Variants in PPP2R5A observed in about 807,000 individuals in gnomAD.
PPP2R5A encodes the protein protein phosphatase 2 regulatory subunit B'alpha, also known as serine/threonine-protein phosphatase 2A 56 kDa regulatory subunit alpha isoform.
PPP2R5A carries 25 observed loss-of-function variants against 64.2 expected under a neutral mutation model. That is an observed-to-expected ratio of 0.39 (90% CI 0.28 to 0.54). The LOEUF is 0.54. PPP2R5A is among the 20% of genes least tolerant of loss of function. The probability of loss-of-function intolerance (pLI) is 0.67; values close to 1 mark genes in which losing one functional copy is unlikely to be tolerated. For synonymous variants in PPP2R5A, 198 were observed against 201.2 expected (o/e 0.98, Z 0.13); for missense variants, 425 against 576.3 (o/e 0.74, Z 2.69).
intron 1 of PPP2R5A, among the ~76,000 whole-genome samples, chr1:212,288,305 C>T (rs976873265): frequency 1.2e-4 from 19 of 152,236 alleles, no homozygotes; most frequent in African/African-American, 3.9e-4. Context: ...CGTGAGCCAC[C>T]GCACCTGGCC....
At chr1:212,298,872 C>CG (rs1658744648) in intron 1 of PPP2R5A, among the ~76,000 whole-genome samples, 2 of 33,770 alleles carry the variant, frequency 5.9e-5, no homozygotes, top group African/African-American at 3.0e-4. Flanking sequence ...GCTGGCCAGG[C>CG]GGGGGGCTGA....
chr1:212,342,461 C>T (rs1376523995), intron 4 of PPP2R5A, among the ~76,000 whole-genome samples, 181 bp downstream of exon 4: 3 of 152,112 alleles, frequency 2.0e-5, no homozygotes, highest in African/African-American at 7.2e-5. Flanking sequence ...GTATTTTTAT[C>T]AAGGGTGAGA....
intron 3 of PPP2R5A, among the ~76,000 whole-genome samples, chr1:212,337,470 A>C (rs1349800791): frequency 6.6e-6 from 1 of 152,162 alleles, no homozygotes; most frequent in African/African-American, 2.4e-5. Context: ...ATATAATTAG[A>C]AATTTAAACT....
In PPP2R5A at chr1:212,345,865, C is replaced by T. The variant is rs754669695; in HGVS notation, c.636C>T (p.His212=). 2 of 1,612,458 alleles carry T rather than the reference C, an allele frequency of 1.2e-6. No individual in the cohort carries two copies. The highest frequency in any genetic ancestry group is 3.3e-5 in the Admixed American group (2 of 59,762). ...GTGACTTCCTGAAGACTGTTCTGCA[C>T]CGAATTTATGGGAAATTTCTTGGAT... ...RERDFLKTVL[H]RIYGKFLGLR... The change falls in exon 5 of 13, where the codon CAC becomes CAT. Residue 212 remains histidine, a synonymous_variant. Transcript: ENST00000261461.
In PPP2R5A at chr1:212,300,364, C is replaced by G. The variant is rs192609017; in HGVS notation, c.181+14073C>G. Among the ~76,000 whole-genome samples, 492 of 152,280 alleles carry G rather than the reference C, an allele frequency of 3.2e-3. 5 individuals carry two copies. Among genetic ancestry groups the G allele is most frequent in the African/African-American group, 0.011 (471 of 41,552 alleles). ...TACTTGCTGTGAGTCATCAGCGAAT[C>G]TCAGTTTTCATGGTTTTCTAAAATA... On this transcript the variant is annotated intron_variant, in intron 1 of 12. Coordinates refer to ENST00000261461, the MANE Select transcript of PPP2R5A (RefSeq NM_006243.4).
chr1:212,321,989 C>G (rs1659306044), intron 1 of PPP2R5A, among the ~76,000 whole-genome samples: 1 of 151,912 alleles, frequency 6.6e-6, no homozygotes, highest in Non-Finnish European at 1.5e-5. Flanking sequence ...AGCTGGAGAC[C>G]AGCCCGGCCA....
intron 3 of PPP2R5A, among the ~76,000 whole-genome samples, chr1:212,339,738 T>C (rs1659654802): frequency 1.3e-5 from 2 of 152,152 alleles, no homozygotes; most frequent in Non-Finnish European, 2.9e-5. Flanking sequence ...ATTTGTAGCT[T>C]GATGTCATAA....
chr1:212,332,336 G>A (rs1412776205), intron 2 of PPP2R5A, among the ~76,000 whole-genome samples: 1 of 152,132 alleles, frequency 6.6e-6, no homozygotes, highest in African/African-American at 2.4e-5. Context: ...GGAATAGTTT[G>A]TCTCAAAATG....
At chr1:212,358,528 C>A (rs1442158098) in intron 11 of PPP2R5A, among the ~76,000 whole-genome samples, 158 bp from the exon 12 acceptor site, 1 of 152,144 alleles carries the variant, frequency 6.6e-6, no homozygotes, top group Non-Finnish European at 1.5e-5. Context: ...TGCTGTATGA[C>A]CTTGAGCATA....
intron 2 of PPP2R5A, 149 bp downstream of exon 2, chr1:212,329,480 A>G: frequency 1.5e-6 from 1 of 688,448 alleles, no homozygotes. Flanking sequence ...CATTCCAATG[A>G]TACCATCATT....
At chr1:212,340,196 T>C in intron 3 of PPP2R5A, among the ~76,000 whole-genome samples, 1 of 152,120 alleles carries the variant, frequency 6.6e-6, no homozygotes, top group South Asian at 2.1e-4. Context: ...ATAAAAGCCA[T>C]CCTCTTCCTG....
chr1:212,330,315 G>A (rs1230904457), intron 2 of PPP2R5A, among the ~76,000 whole-genome samples: 1 of 151,970 alleles, frequency 6.6e-6, no homozygotes, highest in East Asian at 1.9e-4. Context: ...AATCACTTGA[G>A]GCCAAGAGTT....
chr1:212,293,566 T>G lies in PPP2R5A; in HGVS notation c.181+7275T>G, dbSNP rs1658640465. On this transcript the variant is annotated intron_variant, in intron 1 of 12. Transcript: ENST00000261461. ...GTTGACTAATAAGCAGTTTCAAGCC[T>G]AGTTTTTATATCTGTCTTTTTGAAC... 3.3e-5 allele frequency among the ~76,000 whole-genome samples: 5 copies of G among 152,346 alleles called. No individual in the cohort carries two copies. In the South Asian group the frequency reaches 1.0e-3, roughly 32 times the overall value.
At chr1:212,331,634 G>C (rs1659507162) in intron 2 of PPP2R5A, 3 of 152,060 alleles carry the variant, frequency 2.0e-5, no homozygotes, top group African/African-American at 7.2e-5. Context: ...GGGAGAAAAA[G>C]CAGTATTTCC....
chr1:212,336,565 A>C (rs1659597362), intron 3 of PPP2R5A, among the ~76,000 whole-genome samples: 1 of 152,204 alleles, frequency 6.6e-6, no homozygotes. Context: ...TAGAAACCAA[A>C]ATTTGGCATA....
chr1:212,292,978 A>G (rs1021626178), intron 1 of PPP2R5A, among the ~76,000 whole-genome samples: 7 of 152,244 alleles, frequency 4.6e-5, no homozygotes, highest in Admixed American at 2.0e-4. Flanking sequence ...TGGTTGTGCC[A>G]GTAAAGCCCC....
chr1:212,301,825 A>G (rs1316462296), intron 1 of PPP2R5A: 15 of 1,227,146 alleles, frequency 1.2e-5, no homozygotes, highest in African/African-American at 9.3e-5. Flanking sequence ...TGCTTGTTCT[A>G]TAATTTGTAG....
intron 1 of PPP2R5A, among the ~76,000 whole-genome samples, chr1:212,321,917 C>A (rs921538644): frequency 6.6e-6 from 1 of 151,328 alleles, no homozygotes; most frequent in Non-Finnish European, 1.5e-5. Context: ...TGAGTGAACG[C>A]GACTCCGTCT....
rs368349645 is a variant in PPP2R5A at position 212,294,701 on chromosome 1, T to C, written c.181+8410T>C. ...TAAATTTAATGTCTTTAGGAGTTTA[T>C]AGTTGGTGAATACAGACTTGTAAGC... On this transcript the variant is annotated intron_variant, in intron 1 of 12. Transcript: ENST00000261461. 3.9e-5 allele frequency among the ~76,000 whole-genome samples: 6 copies of C among 152,356 alleles called. No homozygotes were observed. The South Asian group carries it at 8.3e-4, about 21-fold the overall frequency.
Sources: allele counts gnomAD v4.1 joint callset (sites outside exome capture counted in the v4.1 genomes callset), GRCh38; gene constraint gnomAD v4.1.1; transcripts MANE v1.5; gene names NCBI Gene and HGNC (gene_info 2026-07-23, HGNC 2026-07-21).